The following CBX1 variants were observed in gnomAD, a reference collection of about 807,000 sequenced individuals.
The protein encoded by CBX1 is chromobox protein homolog 1.
Under a neutral mutation model 25.1 loss-of-function variants are expected in CBX1, and 10 were observed. The ratio of observed to expected loss-of-function variants is 0.40; its 90% confidence interval spans 0.25 to 0.68. CBX1 has a LOEUF of 0.68. Among genes scored for constraint, CBX1 ranks in the 30% least tolerant of loss-of-function variants. The pLI, the probability that CBX1 is intolerant of heterozygous loss-of-function variation, is 0.40. For missense variants in CBX1, 106 were observed against 218.5 expected, an observed-to-expected ratio of 0.49 and a Z score of 3.25; for synonymous variants, 63 against 79.4, an observed-to-expected ratio of 0.79 and a Z score of 1.10.
chr17:48,082,228 C>T (rs559175292), intron 1 of CBX1, among the ~76,000 whole-genome samples: 1 of 151,374 alleles, frequency 6.6e-6, no homozygotes, highest in African/African-American at 2.4e-5. Flanking sequence ...AGAGGCTGGG[C>T]GTGGTGGCTC....
At position 48,092,724 on chromosome 17, in the gene CBX1, T is replaced by C. The variant is rs542569511; in HGVS notation, c.-38+8544A>G. On this transcript the variant is annotated intron_variant, in intron 1 of 4. Transcript: ENST00000225603. ...ACCTCAGACTCCCAAAGTGCTGAGA[T>C]TGCAGGCGTGAGCCACCGCACCCAG... Among the ~76,000 whole-genome samples, 22 of 151,916 alleles carry C rather than the reference T, an allele frequency of 1.4e-4. No individual in the cohort carries two copies. The South Asian group carries it at 3.3e-3, about 23-fold the overall frequency.
At chr17:48,101,137 G>C (rs1481595492) in intron 1 of CBX1, 131 bp downstream of exon 1, 1 of 986,378 alleles carries the variant, frequency 1.0e-6, no homozygotes, top group African/African-American at 1.7e-5. Context: ...CGGAGAAGCA[G>C]GACGCTGGAC....
At chr17:48,074,891 C>T in intron 4 of CBX1, 115 bp downstream of exon 4, 1 of 798,842 alleles carries the variant, frequency 1.3e-6, no homozygotes, top group Admixed American at 1.9e-5. Context: ...ACTATGCCAT[C>T]TTAACAATTT....
Position 48,076,174 on chromosome 17 carries a change from C to G in CBX1, c.145G>C (p.Asp49His). 1 of 1,568,992 alleles carries G rather than the reference C, an allele frequency of 6.4e-7. No homozygotes were observed. The change falls in exon 3 of 5, where the codon GAC becomes CAC. Residue 49 changes from aspartate to histidine, a missense_variant. Physicochemically the swap from Asp to His is moderately conservative, Grantham distance 81. Transcript: ENST00000225603. ...TTCTCTTCTGGCTCCCATGTGTTGT[C>G]CTCACTGAAACCAGAGGGCACAGCA... ...LLKWKGFSDEDNTWEPEENLD... is the reference protein window; with the variant it reads ...LLKWKGFSDEHNTWEPEENLD...
intron 1 of CBX1, among the ~76,000 whole-genome samples, chr17:48,086,911 C>T (rs1220190567): frequency 2.6e-5 from 4 of 151,592 alleles, no homozygotes; most frequent in South Asian, 2.1e-4. Context: ...CAAAAATGGC[C>T]GGGCGCGGTG....
intron 1 of CBX1, among the ~76,000 whole-genome samples, chr17:48,077,510 G>A (rs923374165): frequency 3.8e-4 from 54 of 143,650 alleles, no homozygotes; most frequent in African/African-American, 1.4e-3. Context: ...GGTTGGTCTC[G>A]AACTCCTGAC....
chr17:48,083,812 GA>G (rs1034978590), intron 1 of CBX1, among the ~76,000 whole-genome samples: 3 of 149,766 alleles, frequency 2.0e-5, no homozygotes, highest in Non-Finnish European at 2.9e-5. Flanking sequence ...CGACAAAAGC[GA>G]AACTCCATCC....
chr17:48,088,983 CA>C (rs1309718119), intron 1 of CBX1, among the ~76,000 whole-genome samples: 1 of 151,590 alleles, frequency 6.6e-6, no homozygotes, highest in African/African-American at 2.4e-5. Flanking sequence ...CAATAAAACA[CA>C]AAACAAAACA....
chr17:48,077,692 G>A (rs1016449308), intron 1 of CBX1, among the ~76,000 whole-genome samples: 1 of 151,916 alleles, frequency 6.6e-6, no homozygotes, highest in Non-Finnish European at 1.5e-5. Flanking sequence ...ATAAAGCATG[G>A]TAGCTAGGGC....
intron 1 of CBX1, among the ~76,000 whole-genome samples, chr17:48,090,122 T>G (rs1410367571): frequency 6.6e-6 from 1 of 151,830 alleles, no homozygotes; most frequent in Non-Finnish European, 1.5e-5. Context: ...GCCAGGGTGG[T>G]CTCGATCTCG....
At chr17:48,083,209 T>TTG (rs2037755711) in intron 1 of CBX1, among the ~76,000 whole-genome samples, 1 of 147,760 alleles carries the variant, frequency 6.8e-6, no homozygotes, top group Admixed American at 6.7e-5. Context: ...AGGGTTTCAC[T>TTG]ATGTCACCCA....
chr17:48,088,979 AAC>A (rs1201007480), intron 1 of CBX1, among the ~76,000 whole-genome samples: 1 of 152,178 alleles, frequency 6.6e-6, no homozygotes, highest in Non-Finnish European at 1.5e-5. Flanking sequence ...GTCTCAATAA[AAC>A]ACAAAACAAA....
At chr17:48,086,897 T>C (rs568639772) in intron 1 of CBX1, among the ~76,000 whole-genome samples, 2 of 150,348 alleles carry the variant, frequency 1.3e-5, no homozygotes, top group Admixed American at 6.6e-5. Flanking sequence ...AAACAATAAA[T>C]AAACAAAAAT....
intron 1 of CBX1, among the ~76,000 whole-genome samples, chr17:48,084,921 C>CA (rs903886730): frequency 2.6e-4 from 39 of 149,988 alleles, no homozygotes; most frequent in African/African-American, 5.4e-4. Flanking sequence ...CAAAAAAAAA[C>CA]AAAAAAAAAC....
At chr17:48,078,723 C>T (rs2037701610) in intron 1 of CBX1, among the ~76,000 whole-genome samples, 1 of 149,254 alleles carries the variant, frequency 6.7e-6, no homozygotes, top group African/African-American at 2.5e-5. Context: ...CTCCTGACCT[C>T]GTGATTTGCC....
At chr17:48,098,529 C>A (rs1312637272) in intron 1 of CBX1, among the ~76,000 whole-genome samples, 2 of 152,152 alleles carry the variant, frequency 1.3e-5, no homozygotes, top group African/African-American at 4.8e-5. Context: ...CAGAGTTTCG[C>A]TCTTGTTGCC....
intron 1 of CBX1, among the ~76,000 whole-genome samples, chr17:48,091,964 C>G (rs2063346234): frequency 6.7e-6 from 1 of 150,204 alleles, no homozygotes; most frequent in African/African-American, 2.5e-5. Context: ...CAGGCGTGAG[C>G]CACCATGCCC....
At chr17:48,079,318 C>G (rs896314084) in intron 1 of CBX1, among the ~76,000 whole-genome samples, 1 of 147,738 alleles carries the variant, frequency 6.8e-6, no homozygotes. Context: ...GTTGGCCAAG[C>G]TGGTCTCGAA....
At chr17:48,099,699 G>T (rs1031928302) in intron 1 of CBX1, among the ~76,000 whole-genome samples, 1 of 152,112 alleles carries the variant, frequency 6.6e-6, no homozygotes, top group East Asian at 1.9e-4. Flanking sequence ...TAACACAATT[G>T]AGGAGGCTAC....
Sources: allele counts gnomAD v4.1 joint callset (sites outside exome capture counted in the v4.1 genomes callset), GRCh38; gene constraint gnomAD v4.1.1; transcripts MANE v1.5; gene names NCBI Gene and HGNC (gene_info 2026-07-23, HGNC 2026-07-21).